CFAP65: variants seen among roughly 807,000 people sequenced by gnomAD.
The protein encoded by CFAP65 is cilia- and flagella-associated protein 65.
In CFAP65, 155 loss-of-function variants were observed where a neutral mutation model predicts 208.0. The ratio of observed to expected loss-of-function variants is 0.75; its 90% CI spans 0.65 to 0.85. The LOEUF is 0.85. CFAP65 is among the 40% of genes least tolerant of loss of function. The probability of loss-of-function intolerance (pLI) is 0.00; values close to 1 mark genes in which losing one functional copy is unlikely to be tolerated. For synonymous variants in CFAP65, 970 were observed against 986.3 expected (o/e 0.98, Z 0.31); for missense variants, 2,294 against 2,451.3 (o/e 0.94, Z 1.36).
chr2:219,024,553 G>C (rs1228124480), intron 14 of CFAP65, among the ~76,000 whole-genome samples: 1 of 151,870 alleles, frequency 6.6e-6, no homozygotes, highest in Non-Finnish European at 1.5e-5. Context: ...GGATAAAGTA[G>C]AAGTTGTTTC....
rs1946266384 is a variant in CFAP65 at position 219,009,353 on chromosome 2, T to C, written c.4560A>G (p.Val1520=). The C allele has an allele frequency of 6.2e-7, 1 of 1,609,332 alleles. No homozygotes were observed. The highest frequency in any genetic ancestry group is 8.5e-7 in the Non-Finnish European group (1 of 1,176,854). ...VHASFYSADL[V]CKLYSQQLMR... ...CCCTGGGGCTGGTTCCTACCTTGCA[T>C]ACCAGGTCTGCACTGTAGAAGCTGG... Residue 1520 remains valine, a synonymous_variant, in exon 28 of 35, where the codon GTA becomes GTG. Transcript: ENST00000341552.
In CFAP65 at chr2:219,031,807, C is replaced by G. The variant is rs1302265743; in HGVS notation, c.646-149G>C. 1 of 866,688 alleles carries G rather than the reference C, an allele frequency of 1.2e-6. No homozygotes were observed. The highest frequency in any genetic ancestry group is 1.8e-6 in the Non-Finnish European group (1 of 569,988). The allele number at this position is 866,688 out of a possible 1,614,324, so 53.7% of individuals were successfully genotyped here. A position where few individuals can be genotyped will look rare whatever the true frequency, so the allele number is the denominator to read the frequency against. On this transcript the variant is annotated intron_variant, in intron 6 of 34. Coordinates refer to ENST00000341552, the MANE Select transcript of CFAP65 (RefSeq NM_194302.4). This position sits in a 1 kb window ranked among gnomAD's most constrained non-coding sequence, Gnocchi z 5.2. ...TCAGACTCTGAGGGGAGCTGGGCAC[C>G]TATGTTGTCTTGGTCTCAAACATTA...
At chr2:219,016,478 A>G (rs1946894888) in intron 21 of CFAP65, among the ~76,000 whole-genome samples, 1 of 151,962 alleles carries the variant, frequency 6.6e-6, no homozygotes, top group Non-Finnish European at 1.5e-5. Context: ...TATTTTTAGT[A>G]GAGACAGAGT....
Position 219,038,643 on chromosome 2 carries a change from A to G in CFAP65, c.154-65T>C, listed in dbSNP as rs371626145. On this transcript the variant is annotated intron_variant, in intron 3 of 34. Transcript: ENST00000341552. ...TGAGAAAGAGAGGCTGAGGGAGGAGACTCTCATGGCCATCCTTGTCATGGA... is the reference window on the plus strand; with the variant it reads ...TGAGAAAGAGAGGCTGAGGGAGGAGGCTCTCATGGCCATCCTTGTCATGGA... 2.8e-6 allele frequency: 4 copies of G among 1,416,086 alleles called. No homozygotes were observed. The East Asian group carries it at 7.1e-5, about 25-fold the overall frequency. 87.7% of individuals were successfully genotyped at this position (1,416,086 alleles called of 1,614,324 possible). A position where few individuals can be genotyped will look rare whatever the true frequency, so the allele number is the denominator to read the frequency against.
chr2:219,035,523 C>G lies in CFAP65; in HGVS notation c.499G>C (p.Val167Leu). The change falls in exon 5 of 35, where the codon GTT becomes CTT. Residue 167 changes from valine (V) to leucine (L), a missense_variant. Around this residue, in one of 2 missense-constraint regions of CFAP65, gnomAD observed 867 missense variants for 1,012.6 expected, o/e 0.86. Transcript: ENST00000341552. ...AGTTTCAAGGATCGATTTTTCAGAA[C>G]CAGATTCCTTGTGGTCTCCTTTCCT... ...ELGKETTRNL[V>L]LKNRSLKLQK... 6.2e-7 allele frequency: 1 copy of G among 1,614,054 alleles called. No homozygotes were observed. Among genetic ancestry groups the G allele is most frequent in the Non-Finnish European group, 8.5e-7 (1 of 1,180,018 alleles).
chr2:219,027,727 C>T lies in CFAP65; in HGVS notation c.2134G>A (p.Ala712Thr), dbSNP rs971967725. The change falls in exon 13 of 35, where the codon GCC (alanine) becomes ACC (threonine). Residue 712 changes from alanine to threonine, a missense_variant. Ala to Thr is a moderately conservative substitution (Grantham distance 58). Around this residue, in one of 2 missense-constraint regions of CFAP65, gnomAD observed 867 missense variants for 1,012.6 expected, o/e 0.86. Coordinates refer to ENST00000341552, the MANE Select transcript of CFAP65 (RefSeq NM_194302.4). The part of the protein sequence containing the change: ...SCDVPPLKSM[A>T]MRLHFQPPHP... ...GGCGGCTGGAAGTGCAGGCGCATGG[C>T]CATGGACTTGAGTGGGGGCACGTCG... 2 of 1,613,970 alleles carry T rather than the reference C, an allele frequency of 1.2e-6. No individual in the cohort carries two copies. Among genetic ancestry groups the T allele is most frequent in the African/African-American group, 2.7e-5 (2 of 74,926 alleles).
intron 32 of CFAP65, among the ~76,000 whole-genome samples, 197 bp downstream of exon 32, chr2:219,005,237 G>A (rs1574508782): frequency 1.3e-5 from 2 of 152,008 alleles, no homozygotes; most frequent in Non-Finnish European, 2.9e-5. Flanking sequence ...TGTTGCCCAC[G>A]CTGGTCTCAA....
At chr2:219,028,599 G>A (rs1947814635) in intron 11 of CFAP65, among the ~76,000 whole-genome samples, 198 bp from the exon 12 acceptor site, 1 of 152,054 alleles carries the variant, frequency 6.6e-6, no homozygotes, top group Non-Finnish European at 1.5e-5. Flanking sequence ...GGAAGGTCAG[G>A]AGAGAGCACC....
intron 15 of CFAP65, 134 bp from the exon 16 acceptor site, chr2:219,023,565 T>C (rs1478089940): frequency 6.0e-6 from 4 of 662,290 alleles, no homozygotes; most frequent in Non-Finnish European, 8.0e-6. Context: ...TGCCAGCCCG[T>C]GTACCGGCAG....
At position 219,019,511 on chromosome 2, in the gene CFAP65, C is replaced by T. The variant is rs771379187; in HGVS notation, c.3468G>A (p.Arg1156=). 1.2e-6 allele frequency: 2 copies of T among 1,611,642 alleles called. No homozygotes were observed. The highest frequency in any genetic ancestry group is 1.7e-6 in the Non-Finnish European group (2 of 1,179,524). The change falls in exon 20 of 35, where the codon CGG becomes CGA. Residue 1156 remains arginine (R), a synonymous_variant. Transcript: ENST00000341552. ...PCELTYKVPT[R]HSMSQIPPVL... Reference sequence around the variant, plus strand: ...CCACTCCAGGCTCAGCTCACCTGTGCCGGGTGGGCACCTTGTAGGTGAGCT... The same window carrying T: ...CCACTCCAGGCTCAGCTCACCTGTGTCGGGTGGGCACCTTGTAGGTGAGCT...
intron 19 of CFAP65, 25 bp downstream of exon 19, chr2:219,021,127 T>G: frequency 2.7e-6 from 4 of 1,480,876 alleles, no homozygotes; most frequent in Middle Eastern, 1.8e-4. Flanking sequence ...CGGCCCCGAC[T>G]CTCTATGCCA....
chr2:219,013,879 C>T lies in CFAP65; in HGVS notation c.3768G>A (p.Glu1256=). 2 of 1,596,640 alleles carry T rather than the reference C, an allele frequency of 1.3e-6. No individual in the cohort carries two copies. The highest frequency in any genetic ancestry group is 1.7e-6 in the Non-Finnish European group (2 of 1,171,352). ...SLSPGQEQMV[E]LKYSHLFIGT... is the part of the protein sequence containing the mutation. ...GGGGTGGGGAACACCTGTATTTTAACTCCACCATCTGCTCCTGCCCAGGAC... is the reference window on the plus strand; with the variant it reads ...GGGGTGGGGAACACCTGTATTTTAATTCCACCATCTGCTCCTGCCCAGGAC... Residue 1256 remains glutamate, a synonymous_variant, in exon 22 of 35, where the codon GAG becomes GAA. Coordinates refer to ENST00000341552, the MANE Select transcript of CFAP65 (RefSeq NM_194302.4).
intron 5 of CFAP65, 113 bp downstream of exon 5, chr2:219,035,367 C>T (rs761235920): frequency 1.3e-6 from 2 of 1,592,978 alleles, no homozygotes; most frequent in East Asian, 4.5e-5. Context: ...CACTCACTGG[C>T]TTTTATATGG....
At position 219,022,305 on chromosome 2, in the gene CFAP65, A is replaced by G. The variant is rs2106177623; in HGVS notation, c.2845T>C (p.Leu949=). The change falls in exon 17 of 35, where the codon TTG becomes CTG. Residue 949 remains leucine, a synonymous_variant. Transcript: ENST00000341552. ...RLTLTWTFSP[L]EETKYLFQVG... is the part of the protein sequence containing the mutation. Reference sequence around the variant, plus strand: ...TGGAACAGGTACTTGGTCTCCTCCAAAGGGCTGAAGGTCCACGTCAGCGTC... The same window carrying G: ...TGGAACAGGTACTTGGTCTCCTCCAGAGGGCTGAAGGTCCACGTCAGCGTC... 6.2e-7 allele frequency: 1 copy of G among 1,605,658 alleles called. No homozygotes were observed. Among genetic ancestry groups the G allele is most frequent in the Middle Eastern group, 1.7e-4 (1 of 6,056 alleles).
chr2:219,003,299 G>C lies in CFAP65; in HGVS notation c.5556-27C>G, dbSNP rs1945707441. 1 of 1,496,738 alleles carries C rather than the reference G, an allele frequency of 6.7e-7. No individual in the cohort carries two copies. The highest frequency in any genetic ancestry group is 2.4e-5 in the Admixed American group (1 of 42,388). 92.7% of individuals were successfully genotyped at this position (1,496,738 alleles called of 1,614,324 possible). ...TGCGAGGGGGCGGGGGCTAGCATGA[G>C]GGCGGCCGCAGTGCCCGCGCGCCTC... On this transcript the variant is annotated intron_variant, in intron 33 of 34. Transcript: ENST00000341552. The surrounding 1 kb of genome is among the most constrained non-coding windows in gnomAD (Gnocchi z 4.4).
chr2:219,012,629 T>C (rs770554366), intron 24 of CFAP65, among the ~76,000 whole-genome samples: 29 of 152,266 alleles, frequency 1.9e-4, no homozygotes, highest in Non-Finnish European at 3.8e-4. Context: ...ATTACCAATC[T>C]ACATTTCCAG....
At chr2:219,024,728 G>A (rs1230444965) in intron 14 of CFAP65, among the ~76,000 whole-genome samples, 5 of 152,132 alleles carry the variant, frequency 3.3e-5, no homozygotes, top group Non-Finnish European at 1.5e-5. Flanking sequence ...CTTGTGGCAG[G>A]AGTTCAAGAC....
Position 219,003,020 on chromosome 2 carries a change from T to C in CFAP65, c.5695A>G (p.Ser1899Gly). The change falls in exon 35 of 35, where the codon AGT (serine) becomes GGT (glycine). Residue 1899 changes from serine to glycine, a missense_variant and splice_region_variant. Physicochemically the swap from Ser to Gly is moderately conservative, Grantham distance 56 (BLOSUM62 0). Around this residue, in one of 2 missense-constraint regions of CFAP65, gnomAD observed 1,427 missense variants for 1,438.7 expected, o/e 0.99. Transcript: ENST00000341552. This position sits in a 1 kb window ranked among gnomAD's most constrained non-coding sequence, Gnocchi z 4.4. ...IALPPFCVPR[S>G]LTPDTLLPTQ... Reference sequence around the variant, plus strand: ...GGCAGCAGCGTGTCCGGGGTCAGACTCCTGGAAGACAAAAAGTCCCAGGTA... The same window carrying C: ...GGCAGCAGCGTGTCCGGGGTCAGACCCCTGGAAGACAAAAAGTCCCAGGTA... 1 of 1,556,178 alleles carries C rather than the reference T, an allele frequency of 6.4e-7. No individual in the cohort carries two copies. The highest frequency in any genetic ancestry group is 8.7e-7 in the Non-Finnish European group (1 of 1,149,076).
intron 21 of CFAP65, among the ~76,000 whole-genome samples, chr2:219,017,684 C>T (rs1277718064): frequency 6.6e-6 from 1 of 152,234 alleles, no homozygotes; most frequent in Non-Finnish European, 1.5e-5. Flanking sequence ...CCTGGACCCT[C>T]TCCACAGAGA....
Sources: allele counts gnomAD v4.1 joint callset (sites outside exome capture counted in the v4.1 genomes callset), GRCh38; gene constraint gnomAD v4.1.1; regional missense constraint gnomAD v4.1.1; non-coding constraint Gnocchi (gnomAD v3.1); transcripts MANE v1.5; gene names NCBI Gene and HGNC (gene_info 2026-07-23, HGNC 2026-07-21).